SH3RF1: variants seen among roughly 807,000 people sequenced by gnomAD.
SH3RF1 encodes SH3 domain containing ring finger 1.
SH3RF1 carries 32 observed loss-of-function variants against 74.0 expected under a neutral mutation model. That is an observed-to-expected ratio of 0.43 (90% CI 0.33 to 0.58). SH3RF1 has a LOEUF of 0.58. Ranked by LOEUF, SH3RF1 falls within the 20% of genes least tolerant of loss-of-function variation. SH3RF1 has a pLI of 0.05. For synonymous variants in SH3RF1, 396 were observed against 439.6 expected, an observed-to-expected ratio of 0.90 and a Z score of 1.24; for missense variants, 954 against 1,130.9, an observed-to-expected ratio of 0.84 and a Z score of 2.24.
At chr4:169,181,713 A>C (rs1015504175) in intron 2 of SH3RF1, among the ~76,000 whole-genome samples, 1 of 152,198 alleles carries the variant, frequency 6.6e-6, no homozygotes, top group African/African-American at 2.4e-5. Flanking sequence ...CATTCATGTC[A>C]ATTTAATTCC....
chr4:169,230,845 GAAACCACCTCAA>G (rs1348258618), intron 2 of SH3RF1, among the ~76,000 whole-genome samples: 3 of 90,094 alleles, frequency 3.3e-5, no homozygotes, highest in Non-Finnish European at 4.3e-5. Context: ...GACAGAGTGA[GAAACCACCTCAA>G]AAAAAAAAAA....
rs570331487 is a variant in SH3RF1 at position 169,170,538 on chromosome 4, AT to A, written c.394-13860del. On this transcript the variant is annotated intron_variant, in intron 2 of 11. Transcript: ENST00000284637. Reference sequence around the variant, plus strand: ...TGCTTTTTGAAAATTGTTTAACTAAATTTTTTTTAGGCAAAGCAACTAATTT... The same window carrying A: ...TGCTTTTTGAAAATTGTTTAACTAAATTTTTTTAGGCAAAGCAACTAATTT... 2.4e-3 allele frequency among the ~76,000 whole-genome samples: 365 copies of A among 152,128 alleles called. 4 individuals are homozygous for A. The highest frequency in any genetic ancestry group is 8.5e-3 in the African/African-American group (353 of 41,498).
intron 4 of SH3RF1, among the ~76,000 whole-genome samples, chr4:169,146,487 C>G (rs985514141): frequency 2.0e-5 from 3 of 151,964 alleles, no homozygotes; most frequent in African/African-American, 7.2e-5. Context: ...CTCAGCCTCC[C>G]AAAGTGCTGG....
intron 2 of SH3RF1, among the ~76,000 whole-genome samples, chr4:169,207,556 G>C (rs1730281333): frequency 6.6e-6 from 1 of 152,182 alleles, no homozygotes; most frequent in Non-Finnish European, 1.5e-5. Context: ...TCTGGCCTCT[G>C]AATCAACAAT....
chr4:169,199,574 A>G (rs73863682), intron 2 of SH3RF1, among the ~76,000 whole-genome samples: 2,063 of 152,220 alleles, frequency 0.014, 32 homozygotes, highest in African/African-American at 0.046. Flanking sequence ...CACAGTATGT[A>G]TAACAGCAAA....
intron 11 of SH3RF1, among the ~76,000 whole-genome samples, chr4:169,101,571 C>CT (rs1433198615): frequency 1.3e-5 from 2 of 148,898 alleles, no homozygotes; most frequent in East Asian, 3.9e-4. Context: ...CTCAATGCCA[C>CT]TGAATTGTAC....
intron 2 of SH3RF1, among the ~76,000 whole-genome samples, chr4:169,231,757 T>C (rs939145589): frequency 3.3e-5 from 5 of 152,226 alleles, no homozygotes; most frequent in African/African-American, 1.2e-4. Flanking sequence ...CGCCTCTTTC[T>C]ACTTCTGTGT....
chr4:169,163,941 G>T (rs373774899), intron 2 of SH3RF1, among the ~76,000 whole-genome samples: 1 of 152,152 alleles, frequency 6.6e-6, no homozygotes, highest in South Asian at 2.1e-4. Context: ...CAAGATCAAT[G>T]ATCTGATTCT....
At chr4:169,219,036 A>G (rs977649369) in intron 2 of SH3RF1, among the ~76,000 whole-genome samples, 2 of 152,226 alleles carry the variant, frequency 1.3e-5, no homozygotes, top group Admixed American at 1.3e-4. Flanking sequence ...AAAAGTTACC[A>G]GACTCAAACT....
chr4:169,122,443 T>G (rs1171889176), intron 6 of SH3RF1, among the ~76,000 whole-genome samples, 177 bp from the exon 7 acceptor site: 1 of 152,116 alleles, frequency 6.6e-6, no homozygotes, highest in Non-Finnish European at 1.5e-5. Context: ...TTCTACAAAT[T>G]CATCTCTTGT....
At chr4:169,210,993 C>T (rs1344121654) in intron 2 of SH3RF1, among the ~76,000 whole-genome samples, 1 of 152,160 alleles carries the variant, frequency 6.6e-6, no homozygotes, top group Non-Finnish European at 1.5e-5. Context: ...ATAATTATTA[C>T]TTAATTTTTG....
chr4:169,224,532 G>A (rs1423912402), intron 2 of SH3RF1, among the ~76,000 whole-genome samples: 4 of 152,118 alleles, frequency 2.6e-5, no homozygotes, highest in Non-Finnish European at 4.4e-5. Context: ...TGGCCAGGCT[G>A]GTCTCGAACT....
At chr4:169,108,603 G>C (rs998621377) in intron 10 of SH3RF1, among the ~76,000 whole-genome samples, 1 of 152,174 alleles carries the variant, frequency 6.6e-6, no homozygotes, top group Non-Finnish European at 1.5e-5. Flanking sequence ...AGCAGAGCCA[G>C]CTGATCCCCA....
chr4:169,189,068 T>C (rs1402464848), intron 2 of SH3RF1, among the ~76,000 whole-genome samples: 2 of 152,194 alleles, frequency 1.3e-5, no homozygotes, highest in Non-Finnish European at 2.9e-5. Context: ...AAAAAGATAG[T>C]TTGGGCTTAA....
intron 2 of SH3RF1, among the ~76,000 whole-genome samples, chr4:169,176,579 C>T (rs1161393549): frequency 1.3e-5 from 2 of 152,086 alleles, no homozygotes; most frequent in Non-Finnish European, 2.9e-5. Flanking sequence ...CTCACTCTGT[C>T]ACCCAGGTTG....
chr4:169,190,519 AG>A (rs1453606054), intron 2 of SH3RF1, among the ~76,000 whole-genome samples: 2 of 152,192 alleles, frequency 1.3e-5, no homozygotes, highest in South Asian at 4.1e-4. Context: ...TAGCTTAATC[AG>A]GAAGAATTAG....
rs1432090378 is a variant in SH3RF1, at chr4:169,116,133, T to A, written c.2139+136A>T. ...ACTCTACTCCTAGCACCTGGCATAG[T>A]GACTCACACGTAGGGAGCACCTGAG... On this transcript the variant is annotated intron_variant, in intron 10 of 11. Coordinates refer to ENST00000284637, the MANE Select transcript of SH3RF1 (RefSeq NM_020870.4). 4.8e-6 allele frequency: 6 copies of A among 1,252,658 alleles called. No individual in the cohort carries two copies. The East Asian group carries it at 1.2e-4, about 25-fold the overall frequency. 77.6% of individuals were successfully genotyped at this position (1,252,658 alleles called of 1,614,324 possible).
At chr4:169,162,993 A>C (rs1364839093) in intron 2 of SH3RF1, among the ~76,000 whole-genome samples, 2 of 152,044 alleles carry the variant, frequency 1.3e-5, no homozygotes, top group Non-Finnish European at 2.9e-5. Flanking sequence ...TCGCTAATGG[A>C]GTGTCTAACT....
At position 169,122,280 on chromosome 4, in the gene SH3RF1, A is replaced by G. The variant is rs1173441677; in HGVS notation, c.1180-14T>C. 1 of 1,563,324 alleles carries G rather than the reference A, an allele frequency of 6.4e-7. No homozygotes were observed. The highest frequency in any genetic ancestry group is 1.2e-5 in the South Asian group (1 of 85,996). On this transcript the variant is annotated splice_polypyrimidine_tract_variant and intron_variant, in intron 6 of 11. Transcript: ENST00000284637. Reference sequence around the variant, plus strand: ...AGGATTCAAAGTCTAGTATAGGAAAAACATAAAGAGAAAGGGAAAAAAGGG... The same window carrying G: ...AGGATTCAAAGTCTAGTATAGGAAAGACATAAAGAGAAAGGGAAAAAAGGG...
Sources: allele counts gnomAD v4.1 joint callset (sites outside exome capture counted in the v4.1 genomes callset), GRCh38; gene constraint gnomAD v4.1.1; transcripts MANE v1.5; gene names NCBI Gene and HGNC (gene_info 2026-07-23, HGNC 2026-07-21).